Variants in AGAP1 observed in about 807,000 individuals in gnomAD.
AGAP1 encodes the protein arf-GAP with GTPase, ANK repeat and PH domain-containing protein 1.
Under a neutral mutation model 105.3 loss-of-function variants are expected in AGAP1, and 29 were observed. The observed-to-expected ratio is 0.28, with a 90% CI of 0.21 to 0.38. AGAP1 has a LOEUF of 0.38. Among genes scored for constraint, AGAP1 ranks in the 10% least tolerant of loss-of-function variants. The pLI, the probability that AGAP1 is intolerant of heterozygous loss-of-function variation, is 1.00. For missense variants in AGAP1, 998 were observed against 1,165.1 expected, an observed-to-expected ratio of 0.86 and a Z score of 2.09; for synonymous variants, 509 against 485.9, an observed-to-expected ratio of 1.05 and a Z score of -0.63.
chr2:235,694,012 T>A (rs1476570289), intron 1 of AGAP1, among the ~76,000 whole-genome samples: 1 of 152,182 alleles, frequency 6.6e-6, no homozygotes, highest in Non-Finnish European at 1.5e-5. Flanking sequence ...AACTGTCCAT[T>A]TATCTTGAAG....
At chr2:235,947,587 G>C (rs1301084353) in intron 12 of AGAP1, among the ~76,000 whole-genome samples, 1 of 152,168 alleles carries the variant, frequency 6.6e-6, no homozygotes. Flanking sequence ...CCTCTGGGTA[G>C]ATACCCAGTA....
At position 235,553,402 on chromosome 2, in the gene AGAP1, C is replaced by T. The variant is rs1192626543; in HGVS notation, c.163+58553C>T. On this transcript the variant is annotated intron_variant, in intron 1 of 17. Coordinates refer to ENST00000304032, the MANE Select transcript of AGAP1 (RefSeq NM_001037131.3). The surrounding 1 kb of genome is among the most constrained non-coding windows in gnomAD (Gnocchi z 4.5). ...TTAATAAAACATAGTTGTTTACATA[C>T]TTCTCCTTTAATCCCACAGCTAGTT... Among the ~76,000 whole-genome samples the T allele has an allele frequency of 1.3e-5, 2 of 152,130 alleles. No homozygotes were observed. The highest frequency in any genetic ancestry group is 4.8e-5 in the African/African-American group (2 of 41,428).
intron 1 of AGAP1, among the ~76,000 whole-genome samples, chr2:235,589,409 T>G (rs1022728221): frequency 1.3e-5 from 2 of 151,790 alleles, no homozygotes; most frequent in African/African-American, 2.4e-5. Context: ...GTGTCACCAT[T>G]TTGGCCAGGC....
intron 6 of AGAP1, among the ~76,000 whole-genome samples, chr2:235,795,706 G>C (rs1957214416): frequency 6.6e-6 from 1 of 152,120 alleles, no homozygotes; most frequent in Admixed American, 6.5e-5. Flanking sequence ...CCAGTTACCG[G>C]ATGTTGTGAC....
At chr2:235,541,965 G>A (rs1243220201) in intron 1 of AGAP1, among the ~76,000 whole-genome samples, 1 of 152,118 alleles carries the variant, frequency 6.6e-6, no homozygotes, top group South Asian at 2.1e-4. Flanking sequence ...ACCTCCATTG[G>A]TTCTTCTAAC....
chr2:235,986,418 C>CAGA (rs1392718548), intron 13 of AGAP1, among the ~76,000 whole-genome samples: 23 of 152,120 alleles, frequency 1.5e-4, no homozygotes, highest in Admixed American at 1.4e-3. Flanking sequence ...TGTCTGCAAA[C>CAGA]AGAGACAATT....
intron 13 of AGAP1, among the ~76,000 whole-genome samples, chr2:236,004,002 A>G (rs1254403819): frequency 6.6e-6 from 1 of 152,196 alleles, no homozygotes; most frequent in Admixed American, 6.5e-5. Flanking sequence ...GGGCTTTTAC[A>G]GGTGCAATGA....
chr2:235,559,045 CCTA>C lies in AGAP1; in HGVS notation c.163+64197_163+64199del, dbSNP rs1405783023. ...TCAAGAAATTCTCCCACCTCAGCCT[CCTA>C]GGTAGCTGAGACTACAGGCATGCGC... On this transcript the variant is annotated intron_variant, in intron 1 of 17. Coordinates refer to ENST00000304032, the MANE Select transcript of AGAP1 (RefSeq NM_001037131.3). The surrounding 1 kb of genome is among the most constrained non-coding windows in gnomAD (Gnocchi z 5.7). Among the ~76,000 whole-genome samples, 1 of 152,142 alleles carries C rather than the reference CCTA, an allele frequency of 6.6e-6. No individual in the cohort carries two copies. The highest frequency in any genetic ancestry group is 1.5e-5 in the Non-Finnish European group (1 of 68,034).
intron 1 of AGAP1, among the ~76,000 whole-genome samples, chr2:235,707,893 G>C (rs1950633817): frequency 6.6e-6 from 1 of 150,694 alleles, no homozygotes; most frequent in Admixed American, 6.6e-5. Context: ...GACCTGGTGA[G>C]ATGCACTCCC....
Position 235,723,593 on chromosome 2 carries a change from G to T in AGAP1, c.310+5949G>T, listed in dbSNP as rs951396309. Among the ~76,000 whole-genome samples the T allele has an allele frequency of 1.3e-5, 2 of 152,174 alleles. No homozygotes were observed. Among genetic ancestry groups the T allele is most frequent in the African/African-American group, 4.8e-5 (2 of 41,452 alleles). On this transcript the variant is annotated intron_variant, in intron 3 of 17. Coordinates refer to ENST00000304032, the MANE Select transcript of AGAP1 (RefSeq NM_001037131.3). This position sits in a 1 kb window ranked among gnomAD's most constrained non-coding sequence, Gnocchi z 6.2. The stretch of plus-strand genomic sequence containing the variant: ...GCATCACAGGCACCCTGGGCCATGG[G>T]CCCTCCCGAGCTGTGCAGGTTAGCT...
At chr2:235,606,945 G>GA (rs5839603) in intron 1 of AGAP1, among the ~76,000 whole-genome samples, 2,249 of 61,448 alleles carry the variant, frequency 0.037, 79 homozygotes, top group East Asian at 0.094. Flanking sequence ...ACTGCCTCTT[G>GA]AAAAAAAAAA....
intron 6 of AGAP1, among the ~76,000 whole-genome samples, chr2:235,762,045 G>T (rs1057044452): frequency 1.9e-4 from 29 of 150,246 alleles, no homozygotes; most frequent in African/African-American, 5.9e-4. Context: ...GGAGCCGGAA[G>T]TTCCAGTGAG....
At chr2:236,072,917 A>T (rs1311110232) in intron 16 of AGAP1, among the ~76,000 whole-genome samples, 1 of 152,226 alleles carries the variant, frequency 6.6e-6, no homozygotes, top group African/African-American at 2.4e-5. Flanking sequence ...AAGTAATTTT[A>T]ATAATGTAGT....
chr2:235,554,936 C>T (rs2149123516), intron 1 of AGAP1, among the ~76,000 whole-genome samples: 1 of 152,296 alleles, frequency 6.6e-6, no homozygotes, highest in East Asian at 1.9e-4. Context: ...TCCCAAATTG[C>T]CAGGATTACA....
At chr2:235,969,341 T>G (rs60398408) in intron 13 of AGAP1, among the ~76,000 whole-genome samples, 3,166 of 152,078 alleles carry the variant, frequency 0.021, 121 homozygotes, top group African/African-American at 0.073. Context: ...CCCCACATTA[T>G]GAGAGGTAAA....
rs571096497 is a variant in AGAP1 at position 235,895,899 on chromosome 2, TAAAG to T, written c.1155+12453_1155+12456del. Among the ~76,000 whole-genome samples, 1,037 of 152,322 alleles carry T rather than the reference TAAAG, an allele frequency of 6.8e-3. 7 individuals carry two copies. The highest frequency in any genetic ancestry group is 0.01 in the Middle Eastern group (3 of 294). ...TATTCTGGCTCCATTTGCTGCAACT[TAAAG>T]AAGGATCTTGATGGGAGAAAAGCTT... On this transcript the variant is annotated intron_variant, in intron 10 of 17. Coordinates refer to ENST00000304032, the MANE Select transcript of AGAP1 (RefSeq NM_001037131.3).
rs552722955 is a variant in AGAP1 at position 235,691,891 on chromosome 2, G to A, written c.164-17288G>A. Among the ~76,000 whole-genome samples, 3 of 152,312 alleles carry A rather than the reference G, an allele frequency of 2.0e-5. No individual in the cohort carries two copies. Among genetic ancestry groups the A allele is most frequent in the East Asian group, 1.9e-4 (1 of 5,184 alleles). On this transcript the variant is annotated intron_variant, in intron 1 of 17. Coordinates refer to ENST00000304032, the MANE Select transcript of AGAP1 (RefSeq NM_001037131.3). This position sits in a 1 kb window ranked among gnomAD's most constrained non-coding sequence, Gnocchi z 4.4. ...GGAGAGGGAACTTAGAGGCAAGGCA[G>A]GGATGCAAAATCGGAGTTCCTAGTA...
In AGAP1 at chr2:235,625,049, C is replaced by A. The variant is rs1272572124; in HGVS notation, c.164-84130C>A. On this transcript the variant is annotated intron_variant, in intron 1 of 17. Transcript: ENST00000304032. The surrounding 1 kb of genome is among the most constrained non-coding windows in gnomAD (Gnocchi z 4.0). ...GCAGAACCGTGTGCCAATTAAACTT[C>A]TTTTATTAATTACCCAGCCTCAGAT... 1.3e-5 allele frequency among the ~76,000 whole-genome samples: 2 copies of A among 152,168 alleles called. No individual in the cohort carries two copies. Among genetic ancestry groups the A allele is most frequent in the African/African-American group, 2.4e-5 (1 of 41,434 alleles).
chr2:235,836,314 A>G (rs764556680), intron 9 of AGAP1, among the ~76,000 whole-genome samples: 54 of 152,262 alleles, frequency 3.5e-4, no homozygotes, highest in Non-Finnish European at 6.8e-4. Context: ...AGTGAGTAAT[A>G]CTCAAATTAG....
Sources: allele counts gnomAD v4.1 joint callset (sites outside exome capture counted in the v4.1 genomes callset), GRCh38; gene constraint gnomAD v4.1.1; non-coding constraint Gnocchi (gnomAD v3.1); transcripts MANE v1.5; gene names NCBI Gene and HGNC (gene_info 2026-07-23, HGNC 2026-07-21).